Variants in LAMA2 observed in about 807,000 individuals in gnomAD.
LAMA2 encodes the protein laminin subunit alpha 2.
In LAMA2, 269 loss-of-function variants were observed where a neutral mutation model predicts 364.8. The ratio of observed to expected loss-of-function variants is 0.74; its 90% CI spans 0.67 to 0.82. LAMA2 has a LOEUF of 0.82. Among genes scored for constraint, LAMA2 ranks in the 40% least tolerant of loss-of-function variants. LAMA2 has a pLI of 0.00. For synonymous variants in LAMA2, 1,379 were observed against 1,370.6 expected, an observed-to-expected ratio of 1.01 and a Z score of -0.14; for missense variants, 3,807 against 3,873.2, an observed-to-expected ratio of 0.98 and a Z score of 0.45.
chr6:129,159,130 G>A, intron 8 of LAMA2: 4 of 1,562,426 alleles, frequency 2.6e-6, no homozygotes, highest in Non-Finnish European at 3.5e-6. Flanking sequence ...TTGTTCAATT[G>A]TAATGTTTCC....
intron 3 of LAMA2, among the ~76,000 whole-genome samples, chr6:129,083,649 C>G (rs1774197857): frequency 6.6e-6 from 1 of 152,102 alleles, no homozygotes; most frequent in Non-Finnish European, 1.5e-5. Context: ...GATTTTTGTC[C>G]ACTAATCTAA....
chr6:129,259,005 G>T (rs1786916792), intron 14 of LAMA2, among the ~76,000 whole-genome samples: 2 of 152,018 alleles, frequency 1.3e-5, no homozygotes, highest in South Asian at 4.1e-4. Context: ...TGTGTTTAGA[G>T]GGTGCCATCT....
chr6:129,252,681 A>G (rs1786355574), intron 14 of LAMA2, among the ~76,000 whole-genome samples: 1 of 152,206 alleles, frequency 6.6e-6, no homozygotes, highest in Admixed American at 6.5e-5. Flanking sequence ...ATTTCCTTCC[A>G]GTAGTTGTTA....
chr6:129,412,215 G>A (rs115884661), intron 40 of LAMA2, among the ~76,000 whole-genome samples: 93 of 152,222 alleles, frequency 6.1e-4, no homozygotes, highest in African/African-American at 7.5e-4. Flanking sequence ...GAATATTGCC[G>A]TCTTGAATCC....
At chr6:128,968,910 A>G (rs1782017899) in intron 1 of LAMA2, among the ~76,000 whole-genome samples, 1 of 152,186 alleles carries the variant, frequency 6.6e-6, no homozygotes, top group Non-Finnish European at 1.5e-5. Context: ...TTTAAAAATA[A>G]TACTTTCTTA....
chr6:129,293,243 G>T (rs1263135474), intron 20 of LAMA2, among the ~76,000 whole-genome samples: 1 of 152,188 alleles, frequency 6.6e-6, no homozygotes, highest in Non-Finnish European at 1.5e-5. Context: ...CCATCCGTAT[G>T]CTTTAAAAAG....
intron 29 of LAMA2, among the ~76,000 whole-genome samples, chr6:129,336,748 T>A (rs144281863): frequency 6.6e-6 from 1 of 152,290 alleles, no homozygotes; most frequent in Non-Finnish European, 1.5e-5. Context: ...AGCCAGCTGA[T>A]AGGTTGATGG....
intron 3 of LAMA2, among the ~76,000 whole-genome samples, chr6:129,090,224 C>T (rs776176043): frequency 3.9e-5 from 6 of 152,164 alleles, no homozygotes; most frequent in Admixed American, 2.0e-4. Flanking sequence ...TAAGTATTAA[C>T]TCAGGACCCC....
At chr6:129,208,549 A>G (rs1248001808) in intron 12 of LAMA2, among the ~76,000 whole-genome samples, 1 of 116,354 alleles carries the variant, frequency 8.6e-6, no homozygotes, top group Non-Finnish European at 1.6e-5. Flanking sequence ...AAGAAAAGGA[A>G]GAGAAAGAAA....
intron 13 of LAMA2, 70 bp downstream of exon 13, chr6:129,250,283 T>C (rs1474576370): frequency 2.1e-6 from 2 of 948,574 alleles, no homozygotes; most frequent in African/African-American, 1.6e-5. Flanking sequence ...TACTGTATTT[T>C]TTACCTGCCT....
intron 1 of LAMA2, among the ~76,000 whole-genome samples, chr6:128,962,177 T>TATATATATATAC (rs1781571032): frequency 8.2e-6 from 1 of 122,296 alleles, no homozygotes; most frequent in African/African-American, 3.7e-5. Flanking sequence ...TATATATATA[T>TATATATATATAC]ATATATATAC....
intron 22 of LAMA2, among the ~76,000 whole-genome samples, chr6:129,308,205 T>C (rs1773997762): frequency 6.6e-6 from 1 of 152,230 alleles, no homozygotes; most frequent in Admixed American, 6.5e-5. Context: ...GCTACATTTT[T>C]AGAAAGAAAT....
intron 12 of LAMA2, among the ~76,000 whole-genome samples, chr6:129,204,078 A>T (rs1469516057): frequency 6.6e-6 from 1 of 152,224 alleles, no homozygotes; most frequent in African/African-American, 2.4e-5. Context: ...TAAGGATAAG[A>T]CATCATTAAA....
At chr6:129,087,878 T>C (rs1210093172) in intron 3 of LAMA2, among the ~76,000 whole-genome samples, 1 of 149,256 alleles carries the variant, frequency 6.7e-6, no homozygotes, top group Non-Finnish European at 1.5e-5. Context: ...TGATATTTCT[T>C]TTTTTTTTAA....
At chr6:129,451,213 A>C (rs974609803) in intron 45 of LAMA2, among the ~76,000 whole-genome samples, 2 of 152,154 alleles carry the variant, frequency 1.3e-5, no homozygotes, top group Admixed American at 6.5e-5. Context: ...ATTGTTTTGC[A>C]ATTCATTTTC....
intron 1 of LAMA2, among the ~76,000 whole-genome samples, chr6:128,931,476 G>T (rs1284164775): frequency 6.6e-6 from 1 of 152,022 alleles, no homozygotes; most frequent in Non-Finnish European, 1.5e-5. Context: ...TAAAACTACC[G>T]TTTTTTTCTT....
Position 129,104,211 on chromosome 6 carries a change from C to T in LAMA2, c.639+5796C>T, listed in dbSNP as rs1004311797. Among the ~76,000 whole-genome samples, 7 of 151,942 alleles carry T rather than the reference C, an allele frequency of 4.6e-5. No homozygotes were observed. In the East Asian group the frequency reaches 5.8e-4, roughly 13 times the overall value. The stretch of plus-strand genomic sequence containing the variant: ...CAGGGTCTTGCTATGTTGCCCAGGC[C>T]GTTCTCAAACTCCTGGCCTCAAGTG... On this transcript the variant is annotated intron_variant, in intron 4 of 64. Coordinates refer to ENST00000421865, the MANE Select transcript of LAMA2 (RefSeq NM_000426.4).
chr6:128,924,670 C>T (rs1178539732), intron 1 of LAMA2, among the ~76,000 whole-genome samples: 2 of 152,138 alleles, frequency 1.3e-5, no homozygotes, highest in African/African-American at 4.8e-5. Flanking sequence ...AGCTAGGGTG[C>T]CCCCCGTCTT....
At chr6:128,991,318 G>A (rs1250270078) in intron 1 of LAMA2, among the ~76,000 whole-genome samples, 2 of 151,934 alleles carry the variant, frequency 1.3e-5, no homozygotes, top group Non-Finnish European at 2.9e-5. Flanking sequence ...TTATACTGTT[G>A]ATCTCAGAAC....
Sources: gnomAD v4.1 joint callset for allele counts (sites outside exome capture counted in the v4.1 genomes callset) on GRCh38, gnomAD v4.1.1 for gene constraint, MANE v1.5 for transcripts, NCBI Gene and HGNC (gene_info 2026-07-23, HGNC 2026-07-21) for gene names.